ARHGAP5: variants seen among roughly 807,000 people sequenced by gnomAD.
The protein encoded by ARHGAP5 is Rho GTPase activating protein 5.
ARHGAP5 carries 23 observed loss-of-function variants against 116.6 expected under a neutral mutation model. That is an observed-to-expected ratio of 0.20 (90% CI 0.14 to 0.28). The LOEUF (loss-of-function observed/expected upper bound fraction) is 0.28, where lower values mean the gene tolerates loss of function less well. Ranked by LOEUF, ARHGAP5 falls within the 10% of genes least tolerant of loss-of-function variation. ARHGAP5 has a pLI of 1.00. For synonymous variants in ARHGAP5, 574 were observed against 602.0 expected, an observed-to-expected ratio of 0.95 and a Z score of 0.68; for missense variants, 1,405 against 1,774.8, an observed-to-expected ratio of 0.79 and a Z score of 3.74.
intron 3 of ARHGAP5, among the ~76,000 whole-genome samples, chr14:32,132,076 T>A (rs896404207): frequency 6.6e-6 from 1 of 152,208 alleles, no homozygotes; most frequent in African/African-American, 2.4e-5. Context: ...GCAGCATGAT[T>A]TATAATCCTT....
intron 2 of ARHGAP5, among the ~76,000 whole-genome samples, chr14:32,099,330 T>A (rs2139034320): frequency 6.6e-6 from 1 of 152,240 alleles, no homozygotes; most frequent in South Asian, 2.1e-4. Context: ...GAAGTCTGAG[T>A]TGTAGATACA....
In ARHGAP5 at chr14:32,077,454, C is replaced by T; in HGVS notation, c.-169+19C>T. ...TTGTTAGGTAGGACCTTGCGGACCCCGCTCCTCCAAGCCTGCCTGCCCCCT... is the reference window on the plus strand; with the variant it reads ...TTGTTAGGTAGGACCTTGCGGACCCTGCTCCTCCAAGCCTGCCTGCCCCCT... On this transcript the variant is annotated intron_variant, in intron 1 of 6. Coordinates refer to ENST00000345122, the MANE Select transcript of ARHGAP5 (RefSeq NM_001030055.2). 1 of 697,198 alleles carries T rather than the reference C, an allele frequency of 1.4e-6. No individual in the cohort carries two copies. The highest frequency in any genetic ancestry group is 2.6e-6 in the Non-Finnish European group (1 of 382,658). 43.2% of individuals were successfully genotyped at this position (697,198 alleles called of 1,614,324 possible).
chr14:32,082,033 A>T (rs2041781428), intron 1 of ARHGAP5, among the ~76,000 whole-genome samples: 1 of 152,108 alleles, frequency 6.6e-6, no homozygotes, highest in South Asian at 2.1e-4. Flanking sequence ...CAAAGGGAGC[A>T]AGCAACCTAC....
chr14:32,130,390 T>G (rs1038963268), intron 3 of ARHGAP5, among the ~76,000 whole-genome samples: 4 of 144,822 alleles, frequency 2.8e-5, no homozygotes, highest in East Asian at 2.0e-4. Context: ...TTTTTGGGTT[T>G]TTTTTTTTTT....
At chr14:32,123,319 ACTC>A (rs1438856984) in intron 3 of ARHGAP5, among the ~76,000 whole-genome samples, 3 of 150,568 alleles carry the variant, frequency 2.0e-5, no homozygotes, top group African/African-American at 7.3e-5. Context: ...TCCATTTCCC[ACTC>A]CTTATTCGTG....
At chr14:32,131,198 T>C (rs1880467876) in intron 3 of ARHGAP5, among the ~76,000 whole-genome samples, 1 of 152,120 alleles carries the variant, frequency 6.6e-6, no homozygotes, top group African/African-American at 2.4e-5. Context: ...GCTTTTTTGT[T>C]GTATCAATCC....
intron 3 of ARHGAP5, among the ~76,000 whole-genome samples, chr14:32,124,708 C>T (rs532965823): frequency 2.0e-4 from 30 of 152,256 alleles, no homozygotes; most frequent in Admixed American, 5.2e-4. Flanking sequence ...GTTAAATCTT[C>T]CGAGGTGCCT....
chr14:32,115,304 T>C (rs1196525731), intron 2 of ARHGAP5, among the ~76,000 whole-genome samples: 1 of 152,212 alleles, frequency 6.6e-6, no homozygotes, highest in East Asian at 1.9e-4. Context: ...AATTCTTACT[T>C]AATTTTGTCT....
At chr14:32,137,346 T>G (rs1880858904) in intron 3 of ARHGAP5, among the ~76,000 whole-genome samples, 1 of 151,184 alleles carries the variant, frequency 6.6e-6, no homozygotes, top group South Asian at 2.1e-4. Flanking sequence ...CATTAAATGG[T>G]CTTGACACCC....
rs150387585 is a variant in ARHGAP5 at position 32,128,668 on chromosome 14, G to T, written c.3865+11381G>T. On this transcript the variant is annotated intron_variant, in intron 3 of 6. Transcript: ENST00000345122. ...CAGGCCCCGGCTGCTCCATCCCGCT[G>T]CCCTGATTTTTCTTATATTAAACCC... Among the ~76,000 whole-genome samples, 269 of 152,336 alleles carry T rather than the reference G, an allele frequency of 1.8e-3. 1 individual carries two copies. Among genetic ancestry groups the T allele is most frequent in the African/African-American group, 6.2e-3 (258 of 41,590 alleles).
At position 32,093,372 on chromosome 14, in the gene ARHGAP5, G is replaced by T; in HGVS notation, c.2703G>T (p.Met901Ile). The change falls in exon 2 of 7, where the codon ATG becomes ATT. Residue 901 changes from methionine (M) to isoleucine (I), a missense_variant. Transcript: ENST00000345122. ...FFENEAIKELMTEGEHIATEI... is the reference protein window; with the variant it reads ...FFENEAIKELITEGEHIATEI... Reference sequence around the variant, plus strand: ...AAAATGAGGCTATCAAAGAGTTAATGACTGAAGGAGAACACATTGCAACTG... The same window carrying T: ...AAAATGAGGCTATCAAAGAGTTAATTACTGAAGGAGAACACATTGCAACTG... 6.2e-7 allele frequency: 1 copy of T among 1,613,918 alleles called. No homozygotes were observed.
chr14:32,080,446 A>C (rs1048076669), intron 1 of ARHGAP5, among the ~76,000 whole-genome samples: 10 of 151,828 alleles, frequency 6.6e-5, no homozygotes, highest in African/African-American at 2.2e-4. Flanking sequence ...CTACTCCTGA[A>C]CTTCAAAGTT....
At chr14:32,097,570 CAAAT>C (rs1878588393) in intron 2 of ARHGAP5, among the ~76,000 whole-genome samples, 1 of 151,934 alleles carries the variant, frequency 6.6e-6, no homozygotes, top group Admixed American at 6.6e-5. Flanking sequence ...AAAAAGAAGG[CAAAT>C]AAAACATCAC....
chr14:32,093,798 A>G lies in ARHGAP5; in HGVS notation c.3129A>G (p.Lys1043=). ...AAGTGCCTCCACCTATTAAACCTAA[A>G]CCAGTTGTACCTAAGACAAATGTGA... is the stretch of plus-strand genomic sequence containing the variant. ...NHKVPPPIKP[K]PVVPKTNVKK... The change falls in exon 2 of 7, where the codon AAA becomes AAG. Residue 1043 remains lysine, a synonymous_variant. Coordinates refer to ENST00000345122, the MANE Select transcript of ARHGAP5 (RefSeq NM_001030055.2). 6.2e-7 allele frequency: 1 copy of G among 1,613,922 alleles called. No individual in the cohort carries two copies. Among genetic ancestry groups the G allele is most frequent in the South Asian group, 1.1e-5 (1 of 91,038 alleles).
At chr14:32,131,379 G>A (rs1056996124) in intron 3 of ARHGAP5, among the ~76,000 whole-genome samples, 3 of 150,068 alleles carry the variant, frequency 2.0e-5, no homozygotes, top group African/African-American at 7.4e-5. Flanking sequence ...AACGTAAAAT[G>A]TGTCATGTTA....
At chr14:32,114,297 T>G (rs1205531514) in intron 2 of ARHGAP5, among the ~76,000 whole-genome samples, 1 of 152,182 alleles carries the variant, frequency 6.6e-6, no homozygotes, top group Non-Finnish European at 1.5e-5. Flanking sequence ...AGAAAACATC[T>G]GCTTCAGTTT....
intron 3 of ARHGAP5, among the ~76,000 whole-genome samples, chr14:32,117,738 C>T (rs1270918772): frequency 6.6e-6 from 1 of 152,104 alleles, no homozygotes; most frequent in Non-Finnish European, 1.5e-5. Flanking sequence ...ATTTGTGATG[C>T]TACTATTTAT....
chr14:32,112,133 T>C (rs558959935), intron 2 of ARHGAP5, among the ~76,000 whole-genome samples: 57 of 152,276 alleles, frequency 3.7e-4, no homozygotes, highest in Non-Finnish European at 4.3e-4. Context: ...ATTTTTTTAA[T>C]TTCAAGAATC....
At chr14:32,120,680 G>A (rs148260801) in intron 3 of ARHGAP5, among the ~76,000 whole-genome samples, 255 of 135,886 alleles carry the variant, frequency 1.9e-3, no homozygotes, top group African/African-American at 6.3e-3. Flanking sequence ...CATCTTTTTT[G>A]TTCATTTCTA....
Sources: allele counts gnomAD v4.1 joint callset (sites outside exome capture counted in the v4.1 genomes callset), GRCh38; gene constraint gnomAD v4.1.1; transcripts MANE v1.5; gene names NCBI Gene and HGNC (gene_info 2026-07-23, HGNC 2026-07-21).